CTDSPL2: variants seen among roughly 807,000 people sequenced by gnomAD.
CTDSPL2 encodes the protein CTD small phosphatase-like protein 2.
CTDSPL2 carries 5 observed loss-of-function variants against 60.0 expected under a neutral mutation model. The ratio of observed to expected loss-of-function variants is 0.08; its 90% CI spans 0.04 to 0.18. The LOEUF is 0.18. CTDSPL2 is among the 10% of genes least tolerant of loss of function. CTDSPL2 has a pLI of 1.00. For synonymous variants in CTDSPL2, 186 were observed against 189.3 expected, an observed-to-expected ratio of 0.98 and a Z score of 0.14; for missense variants, 370 against 548.8, an observed-to-expected ratio of 0.67 and a Z score of 3.26.
At chr15:44,474,017 G>A (rs1016813689) in intron 2 of CTDSPL2, among the ~76,000 whole-genome samples, 1 of 152,090 alleles carries the variant, frequency 6.6e-6, no homozygotes, top group Non-Finnish European at 1.5e-5. Flanking sequence ...TATAAGAGAT[G>A]GGGTTTCGCC....
chr15:44,433,084 G>A (rs2079894057), intron 1 of CTDSPL2, among the ~76,000 whole-genome samples: 1 of 151,898 alleles, frequency 6.6e-6, no homozygotes, highest in Non-Finnish European at 1.5e-5. Context: ...GGAGGCTGAG[G>A]CAGGCGGATC....
chr15:44,521,964 C>CATGATG (rs372125991), intron 12 of CTDSPL2, among the ~76,000 whole-genome samples: 1 of 57,822 alleles, frequency 1.7e-5, no homozygotes, highest in Non-Finnish European at 3.5e-5. Flanking sequence ...AAAAAAAAAA[C>CATGATG]ATGATGATGA....
At chr15:44,513,354 C>T (rs1184872436) in intron 8 of CTDSPL2, among the ~76,000 whole-genome samples, 1 of 152,038 alleles carries the variant, frequency 6.6e-6, no homozygotes, top group Non-Finnish European at 1.5e-5. Flanking sequence ...GTAATCCCAG[C>T]TACTCCGGAG....
Position 44,439,550 on chromosome 15 carries a change from G to T in CTDSPL2, c.-25+11778G>T, listed in dbSNP as rs574195079. On this transcript the variant is annotated intron_variant, in intron 1 of 12. Coordinates refer to ENST00000260327, the MANE Select transcript of CTDSPL2 (RefSeq NM_016396.3). Reference sequence around the variant, plus strand: ...GTATTTTTATGTTTTTTTTGGGGGGGGGGGAATATTTGCATTATACTGGTT... The same window carrying T: ...GTATTTTTATGTTTTTTTTGGGGGGTGGGGAATATTTGCATTATACTGGTT... Among the ~76,000 whole-genome samples the T allele has an allele frequency of 9.2e-5, 14 of 151,528 alleles. 1 individual carries two copies. The South Asian group carries it at 1.7e-3, about 18-fold the overall frequency.
intron 10 of CTDSPL2, among the ~76,000 whole-genome samples, chr15:44,515,192 T>A (rs1238595597): frequency 2.6e-5 from 4 of 152,242 alleles, no homozygotes; most frequent in Non-Finnish European, 5.9e-5. Context: ...CATGTTAATT[T>A]ACTTTTTAAT....
At chr15:44,448,864 TCA>T in intron 1 of CTDSPL2, 1 of 405,182 alleles carries the variant, frequency 2.5e-6, no homozygotes, top group Non-Finnish European at 4.6e-6. Context: ...CGTTGGTCTA[TCA>T]CACAGCAGTT....
At chr15:44,434,071 GTTAT>G (rs574610723) in intron 1 of CTDSPL2, among the ~76,000 whole-genome samples, 6 of 151,396 alleles carry the variant, frequency 4.0e-5, no homozygotes, top group South Asian at 2.1e-4. Flanking sequence ...AAAAATCATT[GTTAT>G]TTATTTATTT....
intron 1 of CTDSPL2, among the ~76,000 whole-genome samples, chr15:44,441,264 G>A (rs892887407): frequency 6.6e-6 from 1 of 151,984 alleles, no homozygotes; most frequent in Non-Finnish European, 1.5e-5. Context: ...TGTGCCTTGC[G>A]GGTAACTGGG....
intron 1 of CTDSPL2, among the ~76,000 whole-genome samples, chr15:44,438,616 G>A (rs773538826): frequency 3.9e-5 from 6 of 152,178 alleles, no homozygotes; most frequent in Non-Finnish European, 5.9e-5. Context: ...GGAAAAATAC[G>A]GTAGGAAGAG....
At chr15:44,477,638 A>T (rs577149537) in intron 2 of CTDSPL2, among the ~76,000 whole-genome samples, 108 of 152,204 alleles carry the variant, frequency 7.1e-4, no homozygotes, top group African/African-American at 2.4e-3. Flanking sequence ...GGAGTTCAAG[A>T]CCAGCCTGAC....
chr15:44,496,503 A>G, intron 6 of CTDSPL2, 45 bp downstream of exon 6: 5 of 1,404,660 alleles, frequency 3.6e-6, no homozygotes, highest in Non-Finnish European at 5.0e-6. Flanking sequence ...TTGGAGCATG[A>G]TGAGAGTACG....
chr15:44,467,928 C>T (rs574265845), intron 2 of CTDSPL2, among the ~76,000 whole-genome samples: 1 of 152,128 alleles, frequency 6.6e-6, no homozygotes, highest in East Asian at 1.9e-4. Flanking sequence ...GAATGGAAAT[C>T]GTAACTTGGA....
intron 1 of CTDSPL2, among the ~76,000 whole-genome samples, chr15:44,435,585 G>A (rs1184450709): frequency 1.3e-5 from 2 of 148,964 alleles, no homozygotes; most frequent in Non-Finnish European, 3.0e-5. Context: ...AAAAAAAAAA[G>A]AGAATCTTCC....
rs76959390 is a variant in CTDSPL2 at position 44,464,436 on chromosome 15, G to A, written c.186+5236G>A. Reference sequence around the variant, plus strand: ...TATACTACTGCATCTCCAATAAGTGGTGCTGCTAGGATTTAAACTCATATG... The same window carrying A: ...TATACTACTGCATCTCCAATAAGTGATGCTGCTAGGATTTAAACTCATATG... On this transcript the variant is annotated intron_variant, in intron 2 of 12. Transcript: ENST00000260327. 1.5e-3 allele frequency among the ~76,000 whole-genome samples: 229 copies of A among 152,294 alleles called. 1 individual carries two copies. The highest frequency in any genetic ancestry group is 5.1e-3 in the African/African-American group (213 of 41,562).
At chr15:44,472,857 G>A (rs1325906515) in intron 2 of CTDSPL2, among the ~76,000 whole-genome samples, 2 of 152,216 alleles carry the variant, frequency 1.3e-5, no homozygotes, top group Admixed American at 1.3e-4. Context: ...TGGAGACAGG[G>A]TTTCACCGGC....
intron 10 of CTDSPL2, among the ~76,000 whole-genome samples, chr15:44,515,806 G>A (rs909877245): frequency 3.3e-5 from 5 of 152,106 alleles, no homozygotes; most frequent in Non-Finnish European, 7.4e-5. Context: ...CCGGAAGGCG[G>A]AGGTTATGGT....
At chr15:44,438,560 A>C (rs572714993) in intron 1 of CTDSPL2, among the ~76,000 whole-genome samples, 3 of 152,180 alleles carry the variant, frequency 2.0e-5, no homozygotes, top group Non-Finnish European at 2.9e-5. Flanking sequence ...TGGCTTGGCT[A>C]GTTAGGTAGA....
At chr15:44,442,851 C>G (rs1010162713) in intron 1 of CTDSPL2, among the ~76,000 whole-genome samples, 1 of 152,064 alleles carries the variant, frequency 6.6e-6, no homozygotes, top group African/African-American at 2.4e-5. Context: ...TAGTGCATGC[C>G]TGTAGTCCCA....
intron 4 of CTDSPL2, among the ~76,000 whole-genome samples, chr15:44,490,526 A>G (rs1383681111): frequency 1.3e-5 from 2 of 152,182 alleles, no homozygotes; most frequent in Non-Finnish European, 2.9e-5. Flanking sequence ...TAATTTTTTG[A>G]TACCTCTGGT....
Sources: gnomAD v4.1 joint callset for allele counts (sites outside exome capture counted in the v4.1 genomes callset) on GRCh38, gnomAD v4.1.1 for gene constraint, MANE v1.5 for transcripts, NCBI Gene and HGNC (gene_info 2026-07-23, HGNC 2026-07-21) for gene names.